Variants in DLG5 observed in about 807,000 individuals in gnomAD.
DLG5 encodes the protein disks large homolog 5.
In DLG5, 48 loss-of-function variants were observed where a neutral mutation model predicts 189.8. The ratio of observed to expected loss-of-function variants is 0.25; its 90% CI spans 0.20 to 0.32. The LOEUF is 0.32. Ranked by LOEUF, DLG5 falls within the 10% of genes least tolerant of loss-of-function variation. The probability of loss-of-function intolerance (pLI) is 1.00; values close to 1 mark genes in which losing one functional copy is unlikely to be tolerated. For missense variants in DLG5, 2,160 were observed against 2,544.7 expected, an observed-to-expected ratio of 0.85 and a Z score of 3.25; for synonymous variants, 1,016 against 1,054.1, an observed-to-expected ratio of 0.96 and a Z score of 0.70.
intron 22 of DLG5, 62 bp downstream of exon 22, chr10:77,811,862 G>A (rs1339938159): frequency 2.0e-6 from 3 of 1,524,178 alleles, no homozygotes; most frequent in African/African-American, 1.4e-5. Flanking sequence ...AAAATGAGCA[G>A]AGTGCTGCTG....
chr10:77,823,561 G>A (rs890051882), intron 14 of DLG5, among the ~76,000 whole-genome samples: 2 of 143,620 alleles, frequency 1.4e-5, no homozygotes, highest in Non-Finnish European at 3.0e-5. Context: ...ACAGAGGTTC[G>A]CTCTTATTGC....
At chr10:77,820,101 T>TG in intron 15 of DLG5, 83 bp from the exon 16 acceptor site, 1 of 1,562,014 alleles carries the variant, frequency 6.4e-7, no homozygotes, top group Non-Finnish European at 8.6e-7. Context: ...ATCCCAGCAC[T>TG]CTGGGAGGCC....
intron 5 of DLG5, among the ~76,000 whole-genome samples, chr10:77,848,603 C>T (rs1843806798): frequency 1.3e-5 from 2 of 151,982 alleles, no homozygotes; most frequent in South Asian, 4.2e-4. Context: ...CAAGACGCTC[C>T]ACACAGAATT....
chr10:77,846,450 G>A (rs1843697329), intron 5 of DLG5, among the ~76,000 whole-genome samples: 1 of 152,180 alleles, frequency 6.6e-6, no homozygotes, highest in South Asian at 2.1e-4. Context: ...TGTAATCCCA[G>A]CACTTTGGGA....
At chr10:77,816,820 G>A in intron 19 of DLG5, 119 bp from the exon 20 acceptor site, 1 of 1,442,256 alleles carries the variant, frequency 6.9e-7, no homozygotes, top group South Asian at 1.3e-5. Context: ...CGCATAGTCT[G>A]GAGCTCAGAT....
rs755106882 is a variant in DLG5, at chr10:77,821,076, C to T, written c.3402+6G>A. On this transcript the variant is annotated splice_donor_region_variant and intron_variant, in intron 15 of 31. Coordinates refer to ENST00000372391, the MANE Select transcript of DLG5 (RefSeq NM_004747.4). ...CCCCTCCCCACACCCTGGGGCTCAG[C>T]TATACCTCCAGGAACTGAGCAGGAA... is the stretch of plus-strand genomic sequence containing the variant. 2 of 1,600,842 alleles carry T rather than the reference C, an allele frequency of 1.2e-6. No individual in the cohort carries two copies. Among genetic ancestry groups the T allele is most frequent in the Admixed American group, 1.7e-5 (1 of 59,490 alleles).
In DLG5 at chr10:77,816,661, T is replaced by C. The variant is rs1842068376; in HGVS notation, c.3915A>G (p.Ser1305=). ...SHSECSTPPQ[S]PLNIDTLSSC... ...AGGACAGGGTGTCGATGTTCAGGGG[T>C]GACTGTGGAGGAGTGCTGCATTCAG... Residue 1305 remains serine (S), a synonymous_variant, in exon 20 of 32, where the codon TCA becomes TCG. Transcript: ENST00000372391. The C allele has an allele frequency of 1.2e-6, 2 of 1,613,706 alleles. No homozygotes were observed. The highest frequency in any genetic ancestry group is 1.7e-6 in the Non-Finnish European group (2 of 1,179,844).
chr10:77,870,544 C>T (rs564770676), intron 1 of DLG5, among the ~76,000 whole-genome samples: 5 of 152,158 alleles, frequency 3.3e-5, no homozygotes, highest in Admixed American at 2.6e-4. Flanking sequence ...ATTAGCTGGG[C>T]GTGGTGGCAC....
At chr10:77,834,980 C>T (rs1160998549) in intron 8 of DLG5, among the ~76,000 whole-genome samples, 2 of 145,958 alleles carry the variant, frequency 1.4e-5, no homozygotes, top group African/African-American at 4.9e-5. Flanking sequence ...GACATTATCT[C>T]TCCCCACCCC....
At chr10:77,847,449 G>C (rs1317763649) in intron 5 of DLG5, among the ~76,000 whole-genome samples, 1 of 152,122 alleles carries the variant, frequency 6.6e-6, no homozygotes, top group Non-Finnish European at 1.5e-5. Context: ...GAGGCTCGCA[G>C]GCCCCAAACA....
rs1449425689 is a variant in DLG5 at position 77,856,733 on chromosome 10, T to C, written c.533A>G (p.Lys178Arg). 3 of 1,612,696 alleles carry C rather than the reference T, an allele frequency of 1.9e-6. No homozygotes were observed. Among genetic ancestry groups the C allele is most frequent in the Non-Finnish European group, 2.5e-6 (3 of 1,179,496 alleles). ...AFATHGTAFDKRPYHRLNPDY... is the reference protein window; with the variant it reads ...AFATHGTAFDRRPYHRLNPDY... ...GGGGAGACGGCGCAATTACTACCTC[T>C]TGTCAAAGGCCGTGCCATGCGTAGC... Residue 178 changes from lysine to arginine, a missense_variant, in exon 3 of 32, where the codon AAG (lysine) becomes AGG (arginine). Lys to Arg is a conservative substitution (Grantham distance 26). Transcript: ENST00000372391.
At chr10:77,792,757 C>A in intron 31 of DLG5, 1 of 558,786 alleles carries the variant, frequency 1.8e-6, no homozygotes, top group Non-Finnish European at 3.2e-6. Flanking sequence ...AAACTGCCCA[C>A]CCCACTGCAG....
intron 1 of DLG5, among the ~76,000 whole-genome samples, chr10:77,902,870 T>TA (rs35898859): frequency 5.9e-5 from 6 of 102,044 alleles, no homozygotes; most frequent in Non-Finnish European, 9.2e-5. Context: ...AAAAAATAAA[T>TA]AAAAAAATAA....
At chr10:77,918,740 G>T (rs1024924916) in intron 1 of DLG5, among the ~76,000 whole-genome samples, 2 of 152,130 alleles carry the variant, frequency 1.3e-5, no homozygotes, top group African/African-American at 4.8e-5. Flanking sequence ...TCCCATTTAA[G>T]ATTCTTCCCT....
chr10:77,857,152 C>G (rs554051025), intron 2 of DLG5, among the ~76,000 whole-genome samples: 1 of 152,276 alleles, frequency 6.6e-6, no homozygotes, highest in South Asian at 2.1e-4. Context: ...TGAAGACGCG[C>G]ACTCTCTCCC....
At chr10:77,810,076 T>G (rs1039764754) in intron 23 of DLG5, among the ~76,000 whole-genome samples, 1 of 152,154 alleles carries the variant, frequency 6.6e-6, no homozygotes, top group Non-Finnish European at 1.5e-5. Flanking sequence ...TAGTACTTCC[T>G]AAGGAAAGGT....
rs138056966 is a variant in DLG5, at chr10:77,833,451, G to A, written c.1748+463C>T. 2.4e-3 allele frequency among the ~76,000 whole-genome samples: 365 copies of A among 152,348 alleles called. 3 individuals carry two copies. Among genetic ancestry groups the A allele is most frequent in the South Asian group, 0.024 (114 of 4,832 alleles). The stretch of plus-strand genomic sequence containing the variant: ...CTCTTCCTGCGCACTGTGAGCCCAT[G>A]AGGAAAGGGACTTGGTATGCTTGTC... On this transcript the variant is annotated intron_variant, in intron 9 of 31. Transcript: ENST00000372391.
At chr10:77,857,547 T>C (rs1191514151) in intron 2 of DLG5, among the ~76,000 whole-genome samples, 1 of 152,172 alleles carries the variant, frequency 6.6e-6, no homozygotes, top group East Asian at 1.9e-4. Context: ...AAGTTGGTCC[T>C]GATGCCTCCA....
rs192657515 is a variant in DLG5, at chr10:77,814,827, G to A, written c.4025+1724C>T. Among the ~76,000 whole-genome samples the A allele has an allele frequency of 5.3e-5, 8 of 152,010 alleles. No individual in the cohort carries two copies. In the East Asian group the frequency reaches 1.6e-3, roughly 30 times the overall value. ...TGACCTCCAGTGATCCACCTGCCTCGGCCTCCTTACAGGTGTGAACCACAG... is the reference window on the plus strand; with the variant it reads ...TGACCTCCAGTGATCCACCTGCCTCAGCCTCCTTACAGGTGTGAACCACAG... On this transcript the variant is annotated intron_variant, in intron 20 of 31. Transcript: ENST00000372391.
Sources: allele counts gnomAD v4.1 joint callset (sites outside exome capture counted in the v4.1 genomes callset), GRCh38; gene constraint gnomAD v4.1.1; transcripts MANE v1.5; gene names NCBI Gene and HGNC (gene_info 2026-07-23, HGNC 2026-07-21).